Variants in CDH13 observed in about 807,000 individuals in gnomAD.
CDH13 encodes the protein cadherin-13.
In CDH13, 24 loss-of-function variants were observed where a neutral mutation model predicts 63.8. The observed-to-expected ratio is 0.38, with a 90% CI of 0.27 to 0.53. CDH13 has a LOEUF of 0.53. Ranked by LOEUF, CDH13 falls within the 20% of genes least tolerant of loss-of-function variation. The pLI, the probability that CDH13 is intolerant of heterozygous loss-of-function variation, is 0.85. For missense variants in CDH13, 1,049 were observed against 903.1 expected (o/e 1.16, Z -2.07); for synonymous variants, 503 against 355.3 (o/e 1.42, Z -4.67).
At chr16:83,308,343 C>G (rs777010824) in intron 5 of CDH13, among the ~76,000 whole-genome samples, 3 of 152,074 alleles carry the variant, frequency 2.0e-5, no homozygotes, top group African/African-American at 7.2e-5. Flanking sequence ...GCTAGTTGAT[C>G]GAGAAAATAT....
chr16:83,470,234 T>C (rs1036369530), intron 6 of CDH13, among the ~76,000 whole-genome samples: 7 of 152,160 alleles, frequency 4.6e-5, no homozygotes, highest in Non-Finnish European at 8.8e-5. Flanking sequence ...ATTTTTGCTT[T>C]TTTTAGAGAA....
At chr16:82,972,372 C>T (rs1908886272) in intron 2 of CDH13, among the ~76,000 whole-genome samples, 1 of 152,152 alleles carries the variant, frequency 6.6e-6, no homozygotes, top group South Asian at 2.1e-4. Flanking sequence ...TCCTTTTGTT[C>T]ATTCCATTTC....
chr16:83,001,211 C>G (rs1280484638), intron 2 of CDH13, among the ~76,000 whole-genome samples: 1 of 152,228 alleles, frequency 6.6e-6, no homozygotes, highest in Non-Finnish European at 1.5e-5. Flanking sequence ...GAAATCTGCA[C>G]AGAGCAGGCA....
At chr16:83,533,361 T>A (rs1421355305) in intron 7 of CDH13, among the ~76,000 whole-genome samples, 1 of 152,188 alleles carries the variant, frequency 6.6e-6, no homozygotes, top group Admixed American at 6.5e-5. Flanking sequence ...GAGTCATTTT[T>A]ACAGGGCATT....
At chr16:83,432,051 A>G (rs2072130690) in intron 6 of CDH13, among the ~76,000 whole-genome samples, 1 of 152,306 alleles carries the variant, frequency 6.6e-6, no homozygotes, top group African/African-American at 2.4e-5. Context: ...GAAACCAGGT[A>G]GAAGGCTTCT....
intron 8 of CDH13, among the ~76,000 whole-genome samples, chr16:83,609,507 T>A (rs1397955481): frequency 6.6e-6 from 1 of 152,256 alleles, no homozygotes; most frequent in Non-Finnish European, 1.5e-5. Context: ...AATTTAAATC[T>A]TTTTCCAATG....
At chr16:83,498,402 C>A (rs114076310) in intron 7 of CDH13, among the ~76,000 whole-genome samples, 2,116 of 152,306 alleles carry the variant, frequency 0.014, 53 homozygotes, top group African/African-American at 0.047. Context: ...CACTCTGGAC[C>A]AGGCTTGGGA....
At chr16:83,132,477 C>A (rs1347552349) in intron 4 of CDH13, among the ~76,000 whole-genome samples, 1 of 107,214 alleles carries the variant, frequency 9.3e-6, no homozygotes, top group African/African-American at 3.7e-5. Context: ...GAGACAGAGT[C>A]TTTCTCTGTC....
chr16:83,716,630 C>A (rs773199837), intron 10 of CDH13, among the ~76,000 whole-genome samples: 1 of 152,036 alleles, frequency 6.6e-6, no homozygotes, highest in African/African-American at 2.4e-5. Context: ...ACTACAGGCA[C>A]GTGCCACCAC....
At chr16:83,317,547 A>T (rs963506542) in intron 5 of CDH13, among the ~76,000 whole-genome samples, 4 of 152,088 alleles carry the variant, frequency 2.6e-5, no homozygotes, top group African/African-American at 4.8e-5. Flanking sequence ...GCAAGTAAGA[A>T]TCCAGTACTT....
At chr16:83,546,867 C>G (rs2075395802) in intron 7 of CDH13, among the ~76,000 whole-genome samples, 1 of 152,164 alleles carries the variant, frequency 6.6e-6, no homozygotes, top group Non-Finnish European at 1.5e-5. Context: ...GATTCAAGTG[C>G]CAGTCTCTTT....
chr16:83,025,555 A>G (rs568899246), intron 2 of CDH13, among the ~76,000 whole-genome samples: 7 of 152,194 alleles, frequency 4.6e-5, no homozygotes, highest in African/African-American at 1.2e-4. Context: ...ATTACCTCCC[A>G]TCGGCTTCCT....
At chr16:82,894,979 TG>T (rs1479732933) in intron 2 of CDH13, among the ~76,000 whole-genome samples, 1 of 152,158 alleles carries the variant, frequency 6.6e-6, no homozygotes, top group Non-Finnish European at 1.5e-5. Flanking sequence ...GATGATCTTG[TG>T]GGGCCTTTTA....
intron 10 of CDH13, among the ~76,000 whole-genome samples, chr16:83,737,245 G>C (rs16961552): frequency 6.6e-6 from 1 of 152,114 alleles, no homozygotes; most frequent in Admixed American, 6.5e-5. Flanking sequence ...TTATTAGTGA[G>C]CGCTGTTAGA....
intron 6 of CDH13, among the ~76,000 whole-genome samples, chr16:83,427,935 C>G (rs916904200): frequency 1.3e-5 from 2 of 152,222 alleles, no homozygotes; most frequent in Non-Finnish European, 2.9e-5. Context: ...TTTGGCTGCT[C>G]CATGTCACCT....
intron 6 of CDH13, among the ~76,000 whole-genome samples, chr16:83,389,382 A>G (rs1490526734): frequency 6.6e-6 from 1 of 152,184 alleles, no homozygotes; most frequent in Admixed American, 6.5e-5. Flanking sequence ...TGATTTTCTC[A>G]GTTAACAATC....
chr16:83,543,442 C>T (rs1475899448), intron 7 of CDH13, among the ~76,000 whole-genome samples: 6 of 152,162 alleles, frequency 3.9e-5, no homozygotes, highest in Non-Finnish European at 7.3e-5. Flanking sequence ...GCATTTGAGG[C>T]GCTGACTATG....
At chr16:83,128,179 A>G (rs1427662247) in intron 4 of CDH13, among the ~76,000 whole-genome samples, 1 of 152,192 alleles carries the variant, frequency 6.6e-6, no homozygotes, top group Non-Finnish European at 1.5e-5. Context: ...GATTGATTCC[A>G]CTGGGGTGGG....
intron 6 of CDH13, among the ~76,000 whole-genome samples, chr16:83,456,929 T>C (rs1276624597): frequency 6.6e-6 from 1 of 152,152 alleles, no homozygotes; most frequent in Non-Finnish European, 1.5e-5. Flanking sequence ...GCCACTGCAC[T>C]CCAGCCTGGG....
Sources: allele counts gnomAD v4.1 joint callset (sites outside exome capture counted in the v4.1 genomes callset), GRCh38; gene constraint gnomAD v4.1.1; transcripts MANE v1.5; gene names NCBI Gene and HGNC (gene_info 2026-07-23, HGNC 2026-07-21).